The following PHLDB2 variants were observed in gnomAD, a reference collection of about 807,000 sequenced individuals.
The protein encoded by PHLDB2 is pleckstrin homology-like domain family B member 2.
A neutral mutation model predicts 123.6 loss-of-function variants in PHLDB2; 71 were observed. The observed-to-expected ratio is 0.57, with a 90% CI of 0.47 to 0.70. The LOEUF is 0.70. Ranked by LOEUF, PHLDB2 falls within the 30% of genes least tolerant of loss-of-function variation. The pLI is 0.00. For synonymous variants in PHLDB2, 547 were observed against 541.6 expected, an observed-to-expected ratio of 1.01 and a Z score of -0.14; for missense variants, 1,446 against 1,519.5, an observed-to-expected ratio of 0.95 and a Z score of 0.80.
chr3:111,878,790 T>C (rs1377810042), intron 1 of PHLDB2, among the ~76,000 whole-genome samples: 1 of 152,220 alleles, frequency 6.6e-6, no homozygotes, highest in African/African-American at 2.4e-5. Flanking sequence ...AAAGGCCTTT[T>C]CTGCACCTAT....
intron 1 of PHLDB2, among the ~76,000 whole-genome samples, chr3:111,820,551 G>A (rs1576732809): frequency 6.6e-6 from 1 of 152,140 alleles, no homozygotes; most frequent in East Asian, 1.9e-4. Flanking sequence ...CATATGTGTT[G>A]TGTCTCACAC....
intron 12 of PHLDB2, 142 bp downstream of exon 12, chr3:111,954,171 G>A (rs941372777): frequency 2.2e-5 from 14 of 647,442 alleles, no homozygotes; most frequent in South Asian, 4.1e-5. Flanking sequence ...GTTCTCTTTC[G>A]GGAGGGATAT....
chr3:111,784,460 G>A (rs576886118), intron 1 of PHLDB2, among the ~76,000 whole-genome samples: 5 of 152,134 alleles, frequency 3.3e-5, no homozygotes, highest in Non-Finnish European at 7.4e-5. Flanking sequence ...TCCTGCCTCA[G>A]TGGTAGTGGA....
At chr3:111,753,966 G>A (rs1348854620) in intron 1 of PHLDB2, among the ~76,000 whole-genome samples, 4 of 152,148 alleles carry the variant, frequency 2.6e-5, no homozygotes, top group Non-Finnish European at 4.4e-5. Context: ...TTATAGATAT[G>A]CAGTGTTATT....
rs149247026 is a variant in PHLDB2 at position 111,884,947 on chromosome 3, T to A, written c.870T>A (p.Asp290Glu). ...NSKRTKLGEK[D>E]LPHSVIDNDN... ...AACGAACAAAACTTGGGGAAAAGGA[T>A]CTACCTCATAGCGTAATAGACAATG... The change falls in exon 2 of 18, where the codon GAT becomes GAA. Residue 290 changes from aspartate (D) to glutamate (E), a missense_variant. Physicochemically the swap from Asp to Glu is conservative, Grantham distance 45. Around this residue, in one of 3 missense-constraint regions of PHLDB2, gnomAD observed 832 missense variants for 831.9 expected, o/e 1.00. Coordinates refer to ENST00000431670, the MANE Select transcript of PHLDB2 (RefSeq NM_001134438.2). 1.4e-4 allele frequency: 225 copies of A among 1,614,036 alleles called. No homozygotes were observed. The African/African-American group carries it at 2.7e-3, about 19-fold the overall frequency.
At chr3:111,956,926 ACT>A (rs1395243808) in intron 12 of PHLDB2, 5 of 152,236 alleles carry the variant, frequency 3.3e-5, no homozygotes, top group African/African-American at 1.2e-4. Context: ...ATTTTCACTA[ACT>A]CACATTTAGT....
intron 1 of PHLDB2, among the ~76,000 whole-genome samples, chr3:111,736,467 C>G (rs527822449): frequency 7.2e-4 from 110 of 152,264 alleles, no homozygotes; most frequent in African/African-American, 2.6e-3. Context: ...AGATAAGGAA[C>G]CTGAGACTCA....
intron 10 of PHLDB2, 111 bp from the exon 11 acceptor site, chr3:111,952,461 A>G: frequency 8.1e-7 from 1 of 1,236,916 alleles, no homozygotes; most frequent in Non-Finnish European, 1.1e-6. Flanking sequence ...ACTTTAAGAA[A>G]AATTCTGTTA....
chr3:111,945,198 C>A, intron 8 of PHLDB2, 70 bp from the exon 9 acceptor site: 1 of 1,021,098 alleles, frequency 9.8e-7, no homozygotes, highest in African/African-American at 1.6e-5. Context: ...GTCTCTAATG[C>A]AAAGTCACCA....
chr3:111,975,648 T>A lies in PHLDB2; in HGVS notation c.*1085T>A, dbSNP rs145185615. The A allele has an allele frequency of 6.5e-6, 1 of 152,754 alleles. No individual in the cohort carries two copies. Among genetic ancestry groups the A allele is most frequent in the East Asian group, 1.9e-4 (1 of 5,196 alleles). The allele number at this position is 152,754 out of a possible 1,614,324, so 9.5% of individuals were successfully genotyped here. On this transcript the variant is annotated 3_prime_UTR_variant, in exon 18 of 18. Coordinates refer to ENST00000431670, the MANE Select transcript of PHLDB2 (RefSeq NM_001134438.2). ...TCTATAATGTATTATTTTATTTTATTTTTTACAATTAGCCTTTTTTTTAGT... is the reference window on the plus strand; with the variant it reads ...TCTATAATGTATTATTTTATTTTATATTTTACAATTAGCCTTTTTTTTAGT...
At chr3:111,927,882 A>G (rs553417168) in intron 5 of PHLDB2, among the ~76,000 whole-genome samples, 1 of 152,346 alleles carries the variant, frequency 6.6e-6, no homozygotes, top group South Asian at 2.1e-4. Flanking sequence ...GAGTTAGCAA[A>G]TTAAATTTGC....
chr3:111,788,517 C>G (rs1364297780), intron 1 of PHLDB2, among the ~76,000 whole-genome samples: 1 of 152,030 alleles, frequency 6.6e-6, no homozygotes, highest in African/African-American at 2.4e-5. Context: ...TTATAAAGAC[C>G]CTTTGTCTCT....
chr3:111,890,295 C>T (rs1484060145), intron 2 of PHLDB2, among the ~76,000 whole-genome samples: 2 of 152,148 alleles, frequency 1.3e-5, no homozygotes, highest in African/African-American at 4.8e-5. Context: ...AAGACAGACT[C>T]AGTAAAACAA....
intron 1 of PHLDB2, among the ~76,000 whole-genome samples, chr3:111,831,452 G>C (rs2063032220): frequency 7.2e-6 from 1 of 139,324 alleles, no homozygotes; most frequent in Admixed American, 7.3e-5. Context: ...CAGTAGGGGG[G>C]AGTTTGCAAA....
intron 1 of PHLDB2, among the ~76,000 whole-genome samples, chr3:111,875,906 T>G (rs747372492): frequency 1.3e-5 from 2 of 150,732 alleles, no homozygotes; most frequent in African/African-American, 4.9e-5. Context: ...GGTAAGTGAG[T>G]TTTTTTTTCC....
chr3:111,961,526 A>G (rs2071411615), intron 12 of PHLDB2, among the ~76,000 whole-genome samples: 1 of 152,194 alleles, frequency 6.6e-6, no homozygotes, highest in African/African-American at 2.4e-5. Flanking sequence ...AGTAATTGAC[A>G]GACAAGAACA....
At chr3:111,764,971 C>T (rs965858847) in intron 1 of PHLDB2, among the ~76,000 whole-genome samples, 1 of 152,210 alleles carries the variant, frequency 6.6e-6, no homozygotes, top group African/African-American at 2.4e-5. Context: ...TGTAGAATCA[C>T]AGATCTGAGA....
At chr3:111,898,583 G>A (rs1354485372) in intron 2 of PHLDB2, among the ~76,000 whole-genome samples, 5 of 152,244 alleles carry the variant, frequency 3.3e-5, no homozygotes, top group African/African-American at 4.8e-5. Flanking sequence ...GTTTGGTTGC[G>A]CTTTACCCAC....
rs142885281 is a variant in PHLDB2, at chr3:111,950,843, G to A, written c.2632-1729G>A. Among the ~76,000 whole-genome samples the A allele has an allele frequency of 4.0e-3, 604 of 152,290 alleles. 2 individuals are homozygous for A. The highest frequency in any genetic ancestry group is 4.0e-3 in the Admixed American group (61 of 15,286). Reference sequence around the variant, plus strand: ...CTGATATGAAAGGATATTGGTGAAAGGTGGATGAAGTAAGTTATGTATACA... The same window carrying A: ...CTGATATGAAAGGATATTGGTGAAAAGTGGATGAAGTAAGTTATGTATACA... On this transcript the variant is annotated intron_variant, in intron 10 of 17. Transcript: ENST00000431670.
Sources: gnomAD v4.1 joint callset for allele counts (sites outside exome capture counted in the v4.1 genomes callset) on GRCh38, gnomAD v4.1.1 for gene constraint, gnomAD v4.1.1 regional missense constraint, MANE v1.5 for transcripts, NCBI Gene and HGNC (gene_info 2026-07-23, HGNC 2026-07-21) for gene names.